LRFN2: variants seen among roughly 807,000 people sequenced by gnomAD.
LRFN2 encodes the protein leucine rich repeat and fibronectin type III domain containing 2, also known as leucine-rich repeat and fibronectin type-III domain-containing protein 2.
In LRFN2, 18 loss-of-function variants were observed where a neutral mutation model predicts 37.3. The ratio of observed to expected loss-of-function variants is 0.48; its 90% CI spans 0.33 to 0.72. The LOEUF is 0.72. Ranked by LOEUF, LRFN2 falls within the 30% of genes least tolerant of loss-of-function variation. The pLI is 0.02. For missense variants in LRFN2, 1,006 were observed against 1,060.7 expected (o/e 0.95, Z 0.72); for synonymous variants, 556 against 466.6 (o/e 1.19, Z -2.47).
chr6:40,492,137 G>A (rs546259866), intron 1 of LRFN2, among the ~76,000 whole-genome samples: 1 of 152,218 alleles, frequency 6.6e-6, no homozygotes, highest in Non-Finnish European at 1.5e-5. Context: ...GTGGTCTAAG[G>A]TACCTTTGAG....
At chr6:40,507,475 C>T (rs1007609924) in intron 1 of LRFN2, among the ~76,000 whole-genome samples, 2 of 152,174 alleles carry the variant, frequency 1.3e-5, no homozygotes, top group Admixed American at 1.3e-4. Flanking sequence ...TCAGAGAAGT[C>T]AAGTGACATA....
At chr6:40,448,654 AT>A (rs1296429419) in intron 1 of LRFN2, among the ~76,000 whole-genome samples, 9 of 152,206 alleles carry the variant, frequency 5.9e-5, no homozygotes, top group Non-Finnish European at 1.3e-4. Flanking sequence ...TCGCTAATGA[AT>A]TTTTAGGCAC....
At chr6:40,493,354 C>T (rs1765138145) in intron 1 of LRFN2, among the ~76,000 whole-genome samples, 1 of 152,210 alleles carries the variant, frequency 6.6e-6, no homozygotes, top group Non-Finnish European at 1.5e-5. Flanking sequence ...TGGCACTTGT[C>T]TAATGCTTAC....
intron 1 of LRFN2, among the ~76,000 whole-genome samples, chr6:40,523,061 G>C (rs1020133670): frequency 6.6e-6 from 1 of 152,226 alleles, no homozygotes; most frequent in Admixed American, 6.5e-5. Context: ...GTGACGCAAG[G>C]TGTCTCAGTA....
At chr6:40,447,819 C>T (rs1764006861) in intron 1 of LRFN2, among the ~76,000 whole-genome samples, 1 of 152,118 alleles carries the variant, frequency 6.6e-6, no homozygotes, top group Non-Finnish European at 1.5e-5. Flanking sequence ...TAGGTGGCCC[C>T]TCATCCATCT....
intron 1 of LRFN2, among the ~76,000 whole-genome samples, chr6:40,511,737 G>A (rs1041099338): frequency 2.6e-5 from 4 of 152,218 alleles, no homozygotes; most frequent in African/African-American, 4.8e-5. Context: ...TGTGGGTGCC[G>A]ATGGTGTGCC....
chr6:40,512,251 C>T (rs2487372), intron 1 of LRFN2, among the ~76,000 whole-genome samples: 136,924 of 152,212 alleles, frequency 0.9, 62,110 homozygotes, highest in South Asian at 0.96. Flanking sequence ...TTTGCCTGCA[C>T]TTAGGGAGGT....
At chr6:40,570,968 G>A (rs999972867) in intron 1 of LRFN2, among the ~76,000 whole-genome samples, 20 of 152,232 alleles carry the variant, frequency 1.3e-4, no homozygotes, top group African/African-American at 4.8e-4. Context: ...AGCAAGGTGT[G>A]CGCATTGTCT....
Position 40,432,253 on chromosome 6 carries a change from C to T in LRFN2, c.861G>A (p.Glu287=). Residue 287 remains glutamate (E), a synonymous_variant, in exon 2 of 3, where the codon GAG becomes GAA. Coordinates refer to ENST00000338305, the MANE Select transcript of LRFN2 (RefSeq NM_020737.3). ...WHVREEEFVC[E]PPLITQHTHK... is the part of the protein sequence containing the mutation. ...GTGTGTGCTGGGTGATGAGAGGCGG[C>T]TCGCACACAAACTCCTCCTCACGCA... 1.2e-6 allele frequency: 2 copies of T among 1,613,992 alleles called. No individual in the cohort carries two copies. The highest frequency in any genetic ancestry group is 1.7e-6 in the Non-Finnish European group (2 of 1,180,024).
chr6:40,558,075 C>T (rs6906076), intron 1 of LRFN2, among the ~76,000 whole-genome samples: 72,114 of 151,974 alleles, frequency 0.47, 18,150 homozygotes, highest in African/African-American at 0.65. Flanking sequence ...CCTGACTCCA[C>T]GCACGTGAAG....
intron 2 of LRFN2, among the ~76,000 whole-genome samples, chr6:40,427,357 G>A (rs760708871): frequency 1.3e-5 from 2 of 152,308 alleles, no homozygotes; most frequent in Admixed American, 6.5e-5. Flanking sequence ...ATGAGAGTTC[G>A]CCAAATGTCC....
chr6:40,488,470 C>G (rs540294206), intron 1 of LRFN2, among the ~76,000 whole-genome samples: 1 of 152,202 alleles, frequency 6.6e-6, no homozygotes, highest in South Asian at 2.1e-4. Flanking sequence ...AGCCTCCCTC[C>G]TGCAGGAAGC....
At chr6:40,403,126 A>G (rs568250863) in intron 2 of LRFN2, among the ~76,000 whole-genome samples, 1 of 152,272 alleles carries the variant, frequency 6.6e-6, no homozygotes, top group African/African-American at 2.4e-5. Context: ...GCTAATGTTA[A>G]GGATTCTGAG....
intron 1 of LRFN2, among the ~76,000 whole-genome samples, chr6:40,526,762 C>G (rs1158662840): frequency 6.6e-6 from 1 of 152,192 alleles, no homozygotes; most frequent in Non-Finnish European, 1.5e-5. Flanking sequence ...CACCCACCAC[C>G]TCATTAACCC....
chr6:40,429,497 A>T (rs576604411), intron 2 of LRFN2, among the ~76,000 whole-genome samples: 1 of 152,268 alleles, frequency 6.6e-6, no homozygotes, highest in Non-Finnish European at 1.5e-5. Flanking sequence ...CTCATAAGTT[A>T]GCAAAGAAAT....
At chr6:40,472,025 T>C (rs1764609086) in intron 1 of LRFN2, among the ~76,000 whole-genome samples, 2 of 152,080 alleles carry the variant, frequency 1.3e-5, no homozygotes, top group Admixed American at 6.5e-5. Context: ...CAATAACAAA[T>C]AGATGCCCCA....
At chr6:40,520,756 T>C (rs1279335231) in intron 1 of LRFN2, among the ~76,000 whole-genome samples, 1 of 151,834 alleles carries the variant, frequency 6.6e-6, no homozygotes, top group Non-Finnish European at 1.5e-5. Context: ...CTTAGACCTG[T>C]CCCCCTCTGC....
chr6:40,514,322 T>C (rs1308253151), intron 1 of LRFN2, among the ~76,000 whole-genome samples: 1 of 152,158 alleles, frequency 6.6e-6, no homozygotes, highest in East Asian at 1.9e-4. Context: ...TTTGTTTGTT[T>C]TGTTTTTTTC....
intron 1 of LRFN2, among the ~76,000 whole-genome samples, chr6:40,437,107 C>T (rs1038899884): frequency 6.6e-6 from 1 of 152,094 alleles, no homozygotes; most frequent in Non-Finnish European, 1.5e-5. Flanking sequence ...GGCTAAACAG[C>T]ACTTCCCAAC....
Sources: allele counts gnomAD v4.1 joint callset (sites outside exome capture counted in the v4.1 genomes callset), GRCh38; gene constraint gnomAD v4.1.1; transcripts MANE v1.5; gene names NCBI Gene and HGNC (gene_info 2026-07-23, HGNC 2026-07-21).